Variants in RYR2 observed in about 807,000 individuals in gnomAD.
RYR2 encodes ryanodine receptor 2, also known as cardiac muscle ryanodine receptor-calcium release channel.
RYR2 carries 227 observed loss-of-function variants against 601.1 expected under a neutral mutation model. That is an observed-to-expected ratio of 0.38 (90% CI 0.34 to 0.42). RYR2 has a LOEUF of 0.42. RYR2 is among the 10% of genes least tolerant of loss of function. The probability of loss-of-function intolerance (pLI) is 1.00; values close to 1 mark genes in which losing one functional copy is unlikely to be tolerated. For missense variants in RYR2, 4,646 were observed against 6,156.5 expected, an observed-to-expected ratio of 0.75 and a Z score of 8.21; for synonymous variants, 2,223 against 2,175.1, an observed-to-expected ratio of 1.02 and a Z score of -0.61.
At chr1:237,108,181 A>G (rs1346188527) in intron 1 of RYR2, among the ~76,000 whole-genome samples, 1 of 152,178 alleles carries the variant, frequency 6.6e-6, no homozygotes, top group Non-Finnish European at 1.5e-5. Context: ...TCCTTGCCTA[A>G]GCATCAAGCA....
chr1:237,377,198 G>T, intron 7 of RYR2, 125 bp from the exon 8 acceptor site: 1 of 631,590 alleles, frequency 1.6e-6, no homozygotes, highest in Non-Finnish European at 2.7e-6. Flanking sequence ...TCTTTTCATG[G>T]TGTAAGAGAT....
intron 6 of RYR2, 80 bp from the exon 7 acceptor site, chr1:237,374,637 C>A: frequency 8.3e-7 from 1 of 1,200,526 alleles, no homozygotes; most frequent in Non-Finnish European, 1.2e-6. Context: ...CCAGCCTGAG[C>A]TACAGAGCAA....
chr1:237,628,451 A>T (rs1289076135), intron 41 of RYR2, among the ~76,000 whole-genome samples: 1 of 145,898 alleles, frequency 6.9e-6, no homozygotes, highest in African/African-American at 2.6e-5. Context: ...ATTCCCACCT[A>T]TGAGTGAGAA....
At chr1:237,518,251 T>A (rs570094903) in intron 24 of RYR2, among the ~76,000 whole-genome samples, 48 of 141,444 alleles carry the variant, frequency 3.4e-4, no homozygotes, top group Non-Finnish European at 6.7e-4. Context: ...TCTTTTCTAT[T>A]GTTTTTTTTT....
chr1:237,457,321 G>A, intron 16 of RYR2, among the ~76,000 whole-genome samples: 1 of 152,140 alleles, frequency 6.6e-6, no homozygotes, highest in Admixed American at 6.6e-5. Context: ...TTAAGCGACA[G>A]TTGCTGTGGT....
At chr1:237,403,947 C>T (rs943673218) in intron 10 of RYR2, among the ~76,000 whole-genome samples, 3 of 152,130 alleles carry the variant, frequency 2.0e-5, no homozygotes, top group Non-Finnish European at 2.9e-5. Context: ...ACAGCAAAAA[C>T]ATCTTGGATT....
At chr1:237,755,039 CT>C in intron 80 of RYR2, 1 of 1,282,060 alleles carries the variant, frequency 7.8e-7, no homozygotes, top group Non-Finnish European at 1.0e-6. Flanking sequence ...AAAAAAAACC[CT>C]GATCAATTTT....
rs1558428154 is a variant in RYR2, at chr1:237,208,970, A to ATATG, written c.49-61524_49-61523insGTAT. On this transcript the variant is annotated intron_variant, in intron 1 of 104. Transcript: ENST00000366574. ...TATATATATATATATATATATATAT[A>ATATG]TATATATATATATATGTATACTGTA... 3.4e-4 allele frequency among the ~76,000 whole-genome samples: 31 copies of ATATG among 91,512 alleles called. 2 individuals carry two copies. In the South Asian group the frequency reaches 4.9e-3, roughly 15 times the overall value. 60.0% of individuals were successfully genotyped at this position (91,512 alleles called of 152,430 possible).
intron 25 of RYR2, among the ~76,000 whole-genome samples, chr1:237,536,576 G>T (rs1206004898): frequency 1.3e-5 from 2 of 151,922 alleles, no homozygotes; most frequent in Admixed American, 1.3e-4. Flanking sequence ...TTAGCCGGGC[G>T]TGGTGGCGGG....
intron 3 of RYR2, among the ~76,000 whole-genome samples, chr1:237,348,141 C>CT (rs1698457539): frequency 6.6e-6 from 1 of 152,120 alleles, no homozygotes; most frequent in Non-Finnish European, 1.5e-5. Flanking sequence ...AGGTATTTCT[C>CT]TGTTGGTGGT....
intron 42 of RYR2, among the ~76,000 whole-genome samples, chr1:237,632,837 G>A (rs1378372746): frequency 2.0e-5 from 3 of 152,068 alleles, no homozygotes; most frequent in Non-Finnish European, 4.4e-5. Context: ...TTAAATCTTA[G>A]GATGTATTTT....
intron 56 of RYR2, among the ~76,000 whole-genome samples, chr1:237,664,345 G>C (rs572847927): frequency 4.0e-4 from 61 of 152,220 alleles, no homozygotes; most frequent in African/African-American, 1.3e-3. Flanking sequence ...TGATGAAATG[G>C]AAAAAAATCT....
chr1:237,677,294 T>C (rs897429201), intron 60 of RYR2, among the ~76,000 whole-genome samples: 2 of 152,166 alleles, frequency 1.3e-5, no homozygotes, highest in Non-Finnish European at 1.5e-5. Context: ...GTTATTATAG[T>C]TGATTATTAC....
intron 1 of RYR2, among the ~76,000 whole-genome samples, chr1:237,179,130 G>T (rs1291427345): frequency 2.0e-5 from 3 of 152,170 alleles, no homozygotes; most frequent in South Asian, 4.1e-4. Context: ...CTTTAGGAAT[G>T]CCTTGAGTAG....
At chr1:237,536,179 G>A (rs1182869833) in intron 25 of RYR2, among the ~76,000 whole-genome samples, 1 of 152,186 alleles carries the variant, frequency 6.6e-6, no homozygotes, top group East Asian at 1.9e-4. Flanking sequence ...ATAATAGGAC[G>A]CTTGACCATT....
intron 3 of RYR2, among the ~76,000 whole-genome samples, chr1:237,347,614 C>T (rs2050656): frequency 0.14 from 21,510 of 151,986 alleles, 1,677 homozygotes; most frequent in East Asian, 0.33. Flanking sequence ...GTACTTTTAC[C>T]TTGTTTTGAA....
chr1:237,260,914 G>A (rs1393374753), intron 1 of RYR2, among the ~76,000 whole-genome samples: 2 of 152,058 alleles, frequency 1.3e-5, no homozygotes, highest in Non-Finnish European at 2.9e-5. Context: ...TGCAAACTGA[G>A]GACTGCCTGT....
At chr1:237,303,200 C>T (rs1168003623) in intron 2 of RYR2, among the ~76,000 whole-genome samples, 2 of 151,458 alleles carry the variant, frequency 1.3e-5, no homozygotes, top group African/African-American at 4.9e-5. Context: ...TTCCAGTTTT[C>T]CTGATAACAT....
intron 1 of RYR2, among the ~76,000 whole-genome samples, chr1:237,219,636 C>A (rs1449745699): frequency 5.3e-5 from 8 of 152,046 alleles, no homozygotes; most frequent in Admixed American, 5.2e-4. Context: ...ACTGCACAAA[C>A]CTGAGATCCT....
Sources: gnomAD v4.1 joint callset for allele counts (sites outside exome capture counted in the v4.1 genomes callset) on GRCh38, gnomAD v4.1.1 for gene constraint, MANE v1.5 for transcripts, NCBI Gene and HGNC (gene_info 2026-07-23, HGNC 2026-07-21) for gene names.